Variants in RBFOX1 observed in about 807,000 individuals in gnomAD.
RBFOX1 encodes RNA binding fox-1 homolog 1, also known as RNA binding protein fox-1 homolog 1.
RBFOX1 carries 8 observed loss-of-function variants against 57.7 expected under a neutral mutation model. The ratio of observed to expected loss-of-function variants is 0.14; its 90% CI spans 0.08 to 0.25. The LOEUF (loss-of-function observed/expected upper bound fraction) is 0.25, where lower values mean the gene tolerates loss of function less well. Among genes scored for constraint, RBFOX1 ranks in the 10% least tolerant of loss-of-function variants. RBFOX1 has a pLI of 1.00. For missense variants in RBFOX1, 611 were observed against 548.5 expected, an observed-to-expected ratio of 1.11 and a Z score of -1.14; for synonymous variants, 326 against 222.4, an observed-to-expected ratio of 1.47 and a Z score of -4.15.
rs141695628 is a variant in RBFOX1 at position 5,655,319 on chromosome 16, C to T, written c.318+56358C>T. On this transcript the variant is annotated intron_variant, in intron 3 of 19. Transcript: ENST00000641259. ...CTTGATAGTTTTCACCCATTTCATG[C>T]GGGTAAGATATGTGGGAAGAGTCAA... Among the ~76,000 whole-genome samples the T allele has an allele frequency of 2.3e-4, 35 of 152,162 alleles. 1 individual carries two copies. The highest frequency in any genetic ancestry group is 8.2e-4 in the African/African-American group (34 of 41,502).
intron 4 of RBFOX1, among the ~76,000 whole-genome samples, chr16:7,134,825 G>A (rs971438653): frequency 1.3e-5 from 2 of 152,160 alleles, no homozygotes; most frequent in African/African-American, 2.4e-5. Flanking sequence ...TGCAGATAAT[G>A]TTTGTGATGG....
intron 4 of RBFOX1, among the ~76,000 whole-genome samples, chr16:5,973,441 A>C (rs889678583): frequency 6.6e-6 from 1 of 152,216 alleles, no homozygotes; most frequent in African/African-American, 2.4e-5. Flanking sequence ...ACCTGTATGC[A>C]CAAAGCCAGA....
intron 2 of RBFOX1, among the ~76,000 whole-genome samples, chr16:6,586,185 T>G (rs1238929900): frequency 6.6e-6 from 1 of 152,218 alleles, no homozygotes; most frequent in Non-Finnish European, 1.5e-5. Context: ...GGCAGTTGTT[T>G]GTGCATTCAG....
chr16:7,433,553 G>T (rs1366078670), intron 4 of RBFOX1, among the ~76,000 whole-genome samples: 2 of 152,214 alleles, frequency 1.3e-5, no homozygotes, highest in African/African-American at 2.4e-5. Context: ...GGAGGAGGAG[G>T]CATCTGAATT....
intron 4 of RBFOX1, among the ~76,000 whole-genome samples, chr16:7,187,710 AAAAAAAAAAAAAAAAGG>A (rs2084273165): frequency 7.0e-6 from 1 of 142,548 alleles, no homozygotes; most frequent in African/African-American, 2.8e-5. Context: ...AAAAAAAAAA[AAAAAAAAAAAAAAAAGG>A]AAAAGAAAAG....
intron 4 of RBFOX1, among the ~76,000 whole-genome samples, chr16:7,435,024 G>A (rs890720417): frequency 6.6e-6 from 1 of 152,138 alleles, no homozygotes; most frequent in Non-Finnish European, 1.5e-5. Flanking sequence ...TTCACATTTT[G>A]CATTTATCAT....
In RBFOX1 at chr16:7,404,720, AC is replaced by A. The variant is rs1401177544; in HGVS notation, c.28-113426del. The stretch of plus-strand genomic sequence containing the variant: ...TTTTTCAGAAAAAACAAACAAACAA[AC>A]AAACAAAACCGAATGCACTTTTTAA... On this transcript the variant is annotated intron_variant, in intron 4 of 15. Transcript: ENST00000550418. Among the ~76,000 whole-genome samples the A allele has an allele frequency of 9.4e-4, 143 of 152,192 alleles. No homozygotes were observed. In the Middle Eastern group the frequency reaches 0.02, roughly 22 times the overall value.
intron 3 of RBFOX1, among the ~76,000 whole-genome samples, chr16:5,858,437 C>T (rs1179023901): frequency 6.6e-6 from 1 of 152,204 alleles, no homozygotes; most frequent in Non-Finnish European, 1.5e-5. Flanking sequence ...AGACCAACTT[C>T]AAGGGCAAAC....
At chr16:6,543,315 T>G (rs1010221809) in intron 2 of RBFOX1, among the ~76,000 whole-genome samples, 1 of 152,124 alleles carries the variant, frequency 6.6e-6, no homozygotes, top group Non-Finnish European at 1.5e-5. Flanking sequence ...TGAGACTCTT[T>G]ACTGCTTGTG....
At chr16:6,248,025 C>G (rs1414307619) in intron 1 of RBFOX1, among the ~76,000 whole-genome samples, 1 of 152,146 alleles carries the variant, frequency 6.6e-6, no homozygotes, top group Non-Finnish European at 1.5e-5. Context: ...TATCATCAAT[C>G]CCTTCAAGTA....
intron 3 of RBFOX1, among the ~76,000 whole-genome samples, chr16:5,701,555 C>T (rs1307283298): frequency 2.0e-5 from 3 of 152,132 alleles, no homozygotes; most frequent in South Asian, 2.1e-4. Flanking sequence ...CCATTCTCTC[C>T]AGTGGCTGGG....
intron 4 of RBFOX1, among the ~76,000 whole-genome samples, chr16:5,878,936 T>C (rs2057691226): frequency 6.6e-6 from 1 of 152,244 alleles, no homozygotes; most frequent in African/African-American, 2.4e-5. Flanking sequence ...TATTAATTAA[T>C]ACTCAAACAT....
In RBFOX1 at chr16:5,809,507, G is replaced by T. The variant is rs138304941; in HGVS notation, c.319-57796G>T. ...AAACAAACAACCCCATCAAAAACTG[G>T]ACGAAGGACATGAACAGACACTTCT... is the stretch of plus-strand genomic sequence containing the variant. On this transcript the variant is annotated intron_variant, in intron 3 of 19. Transcript: ENST00000641259. Among the ~76,000 whole-genome samples, 609 of 152,206 alleles carry T rather than the reference G, an allele frequency of 4.0e-3. 2 individuals carry two copies. The highest frequency in any genetic ancestry group is 7.0e-3 in the Admixed American group (107 of 15,274).
chr16:6,541,412 G>C (rs2096816336), intron 2 of RBFOX1, among the ~76,000 whole-genome samples: 1 of 152,186 alleles, frequency 6.6e-6, no homozygotes, highest in Non-Finnish European at 1.5e-5. Context: ...GCACTGGACA[G>C]TTCCCTGCTC....
chr16:5,305,048 G>C (rs371080497), intron 1 of RBFOX1, among the ~76,000 whole-genome samples: 3 of 152,128 alleles, frequency 2.0e-5, no homozygotes, highest in African/African-American at 7.2e-5. Flanking sequence ...TCCACCTGCA[G>C]CTTGTGTGAT....
At chr16:7,632,404 C>T (rs1181900583) in intron 11 of RBFOX1, among the ~76,000 whole-genome samples, 3 of 152,144 alleles carry the variant, frequency 2.0e-5, no homozygotes, top group Non-Finnish European at 4.4e-5. Flanking sequence ...AATGTTACTA[C>T]ACATTTTCAC....
chr16:6,506,041 A>G (rs1366547025), intron 2 of RBFOX1, among the ~76,000 whole-genome samples: 1 of 152,220 alleles, frequency 6.6e-6, no homozygotes, highest in Non-Finnish European at 1.5e-5. Flanking sequence ...TAAAGGAAAG[A>G]TTCCTGATTC....
chr16:6,415,161 TGA>T, intron 2 of RBFOX1, among the ~76,000 whole-genome samples: 1 of 148,016 alleles, frequency 6.8e-6, no homozygotes, highest in Non-Finnish European at 1.5e-5. Context: ...GAGAATCGCT[TGA>T]ACCAGGGAGT....
chr16:7,130,832 A>G (rs1305516379), intron 4 of RBFOX1, among the ~76,000 whole-genome samples: 1 of 152,174 alleles, frequency 6.6e-6, no homozygotes, highest in Admixed American at 6.5e-5. Flanking sequence ...ACACTTTCTC[A>G]TCTCATTCAT....
Sources: allele counts gnomAD v4.1 joint callset (sites outside exome capture counted in the v4.1 genomes callset), GRCh38; gene constraint gnomAD v4.1.1; transcripts MANE v1.5; gene names NCBI Gene and HGNC (gene_info 2026-07-23, HGNC 2026-07-21).